Variants in PXDNL observed in about 807,000 individuals in gnomAD.
PXDNL encodes probable oxidoreductase PXDNL.
A neutral mutation model predicts 150.8 loss-of-function variants in PXDNL; 145 were observed. The observed-to-expected ratio is 0.96, with a 90% confidence interval of 0.84 to 1.10. The LOEUF (loss-of-function observed/expected upper bound fraction) is 1.10, where lower values mean the gene tolerates loss of function less well. Among genes scored for constraint, PXDNL ranks in the 50% least tolerant of loss-of-function variants. The pLI is 0.00. For synonymous variants in PXDNL, 757 were observed against 725.7 expected (o/e 1.04, Z -0.69); for missense variants, 2,087 against 1,873.9 (o/e 1.11, Z -2.10).
chr8:51,632,314 C>T (rs1356382281), intron 2 of PXDNL, among the ~76,000 whole-genome samples: 1 of 152,168 alleles, frequency 6.6e-6, no homozygotes, highest in Non-Finnish European at 1.5e-5. Flanking sequence ...ATTTACACCA[C>T]AACAGGCAGG....
intron 2 of PXDNL, among the ~76,000 whole-genome samples, chr8:51,628,399 C>CTT (rs71550276): frequency 0.48 from 33,253 of 69,932 alleles, 8,912 homozygotes; most frequent in South Asian, 0.58. Context: ...CTTTTCTTTT[C>CTT]TTTTTTTTTT....
intron 1 of PXDNL, among the ~76,000 whole-genome samples, chr8:51,673,518 A>T (rs192088505): frequency 1.1e-3 from 166 of 152,366 alleles, no homozygotes; most frequent in Non-Finnish European, 2.2e-3. Flanking sequence ...GTAGAGAGAC[A>T]GATTTCAGCT....
Position 51,680,174 on chromosome 8 carries a change from T to A in PXDNL, c.165-25414A>T, listed in dbSNP as rs1387163369. ...GACCTAGCACTGTGATCTCATCTTA[T>A]CCACAATGGAGAGTCACTGCGTAGG... On this transcript the variant is annotated intron_variant, in intron 1 of 22. Coordinates refer to ENST00000356297, the MANE Select transcript of PXDNL (RefSeq NM_144651.5). 2.0e-5 allele frequency among the ~76,000 whole-genome samples: 3 copies of A among 152,234 alleles called. No individual in the cohort carries two copies. The East Asian group carries it at 5.8e-4, about 29-fold the overall frequency.
At chr8:51,470,013 A>G (rs772125084) in intron 8 of PXDNL, among the ~76,000 whole-genome samples, 3 of 152,044 alleles carry the variant, frequency 2.0e-5, no homozygotes, top group Non-Finnish European at 4.4e-5. Flanking sequence ...CTTTTATGTC[A>G]TAAGTTAAAA....
intron 11 of PXDNL, 45 bp from the exon 12 acceptor site, chr8:51,447,207 T>C: frequency 1.3e-6 from 2 of 1,590,868 alleles, no homozygotes; most frequent in Middle Eastern, 1.8e-4. Flanking sequence ...CCCAGAGCAC[T>C]GAAAGCCAGA....
intron 4 of PXDNL, among the ~76,000 whole-genome samples, chr8:51,530,500 C>T (rs183986497): frequency 6.6e-6 from 1 of 152,214 alleles, no homozygotes; most frequent in Admixed American, 6.5e-5. Flanking sequence ...GCTGGAAATC[C>T]CCAGTATATT....
At chr8:51,559,744 G>A (rs1812682575) in intron 3 of PXDNL, among the ~76,000 whole-genome samples, 1 of 151,920 alleles carries the variant, frequency 6.6e-6, no homozygotes, top group South Asian at 2.1e-4. Context: ...TGGCTCCTAA[G>A]GAATTGAAAG....
chr8:51,582,907 G>A (rs982505811), intron 3 of PXDNL, among the ~76,000 whole-genome samples: 6 of 130,278 alleles, frequency 4.6e-5, no homozygotes, highest in African/African-American at 1.2e-4. Flanking sequence ...GGTAAACGAT[G>A]GCTGATCTAC....
intron 2 of PXDNL, among the ~76,000 whole-genome samples, chr8:51,606,473 T>C (rs995388210): frequency 2.0e-5 from 3 of 152,176 alleles, no homozygotes; most frequent in South Asian, 4.1e-4. Flanking sequence ...AACCTTTAGG[T>C]ATATGCATTT....
Position 51,609,756 on chromosome 8 carries a change from G to T in PXDNL, c.237-17058C>A, listed in dbSNP as rs1440492176. 2.0e-5 allele frequency among the ~76,000 whole-genome samples: 3 copies of T among 152,148 alleles called. 1 individual carries two copies. Among genetic ancestry groups the T allele is most frequent in the South Asian group, 4.1e-4 (2 of 4,828 alleles). On this transcript the variant is annotated intron_variant, in intron 2 of 22. Coordinates refer to ENST00000356297, the MANE Select transcript of PXDNL (RefSeq NM_144651.5). Reference sequence around the variant, plus strand: ...AAAGCAGAAGAAATTATTCTGGAGGGCTGCTTACTGCTTGAAATGCCTTTT... The same window carrying T: ...AAAGCAGAAGAAATTATTCTGGAGGTCTGCTTACTGCTTGAAATGCCTTTT...
At chr8:51,608,037 G>GAA (rs759916526) in intron 2 of PXDNL, among the ~76,000 whole-genome samples, 3 of 131,738 alleles carry the variant, frequency 2.3e-5, no homozygotes, top group African/African-American at 6.5e-5. Flanking sequence ...AAGAAAGAAA[G>GAA]AAAGAAAGAA....
At chr8:51,404,969 C>T (rs986443411) in intron 17 of PXDNL, among the ~76,000 whole-genome samples, 8 of 152,286 alleles carry the variant, frequency 5.3e-5, no homozygotes, top group South Asian at 2.1e-4. Flanking sequence ...AGTCCTGCCC[C>T]GCAGGGAGGC....
chr8:51,434,070 C>T (rs1401418149), intron 12 of PXDNL, among the ~76,000 whole-genome samples: 1 of 152,130 alleles, frequency 6.6e-6, no homozygotes, highest in Non-Finnish European at 1.5e-5. Flanking sequence ...TTCTTGAACA[C>T]TTTGATGGAT....
chr8:51,502,107 A>C (rs1420818227), intron 4 of PXDNL, among the ~76,000 whole-genome samples: 3 of 152,234 alleles, frequency 2.0e-5, no homozygotes, highest in African/African-American at 7.2e-5. Context: ...TATTGTCCTA[A>C]GTGCTTTACA....
At chr8:51,338,470 A>G (rs939470692) in intron 21 of PXDNL, among the ~76,000 whole-genome samples, 1 of 152,250 alleles carries the variant, frequency 6.6e-6, no homozygotes, top group African/African-American at 2.4e-5. Flanking sequence ...CCTGAAGTTC[A>G]GATGAGGATA....
At chr8:51,493,790 C>A (rs1238401944) in intron 5 of PXDNL, among the ~76,000 whole-genome samples, 6 of 152,056 alleles carry the variant, frequency 3.9e-5, no homozygotes, top group African/African-American at 1.4e-4. Flanking sequence ...GTGAAAAGAC[C>A]AAATCTACAT....
intron 19 of PXDNL, among the ~76,000 whole-genome samples, chr8:51,349,807 T>A (rs1032192781): frequency 6.6e-6 from 1 of 152,196 alleles, no homozygotes; most frequent in African/African-American, 2.4e-5. Flanking sequence ...AACACTAGTA[T>A]CCCAATGCTG....
intron 8 of PXDNL, among the ~76,000 whole-genome samples, chr8:51,465,221 T>C (rs1810178547): frequency 6.6e-6 from 1 of 152,174 alleles, no homozygotes; most frequent in Non-Finnish European, 1.5e-5. Context: ...AAGTAGGCTT[T>C]ATTCCTGAGA....
chr8:51,582,109 T>C (rs1813223588), intron 3 of PXDNL, among the ~76,000 whole-genome samples: 2 of 152,188 alleles, frequency 1.3e-5, no homozygotes, highest in South Asian at 4.1e-4. Flanking sequence ...AAAATTCATA[T>C]GTTGAAGCTC....
Sources: gnomAD v4.1 joint callset for allele counts (sites outside exome capture counted in the v4.1 genomes callset) on GRCh38, gnomAD v4.1.1 for gene constraint, MANE v1.5 for transcripts, NCBI Gene and HGNC (gene_info 2026-07-23, HGNC 2026-07-21) for gene names.